The following B4GALT1 variants were observed in gnomAD, a reference collection of about 807,000 sequenced individuals.
The protein encoded by B4GALT1 is N-acetyllactosamine synthase.
A neutral mutation model predicts 34.9 loss-of-function variants in B4GALT1; 16 were observed. That is an observed-to-expected ratio of 0.46 (90% CI 0.31 to 0.70). B4GALT1 has a LOEUF of 0.70. Among genes scored for constraint, B4GALT1 ranks in the 30% least tolerant of loss-of-function variants. The pLI, the probability that B4GALT1 is intolerant of heterozygous loss-of-function variation, is 0.05. For missense variants in B4GALT1, 445 were observed against 530.5 expected, an observed-to-expected ratio of 0.84 and a Z score of 1.58; for synonymous variants, 221 against 218.1, an observed-to-expected ratio of 1.01 and a Z score of -0.12.
chr9:33,109,631 T>C (rs2117980861), downstream of B4GALT1, among the ~76,000 whole-genome samples: 1 of 152,334 alleles, frequency 6.6e-6, no homozygotes, highest in South Asian at 2.1e-4. Flanking sequence ...AGCAAGGCCC[T>C]GTATCCAAAA....
At chr9:33,108,418 G>C (rs1197247694), downstream of B4GALT1, among the ~76,000 whole-genome samples, 1 of 147,290 alleles carries the variant, frequency 6.8e-6, no homozygotes, top group Non-Finnish European at 1.5e-5. Context: ...TTTGAGACCA[G>C]CCTGGTCAAC....
chr9:33,174,397 C>T, the B4GALT1 span: 1 of 152,250 alleles, frequency 6.6e-6, no homozygotes, highest in Non-Finnish European at 1.5e-5. Flanking sequence ...ATCTGTAATC[C>T]TAGCACTTTG....
At chr9:33,148,905 G>GTC (rs1840468317) in intron 1 of B4GALT1, among the ~76,000 whole-genome samples, 1 of 152,052 alleles carries the variant, frequency 6.6e-6, no homozygotes, top group Non-Finnish European at 1.5e-5. Flanking sequence ...TTCCCCTGAA[G>GTC]GGGATCTTAT....
intron 3 of B4GALT1, 66 bp downstream of exon 3, chr9:33,120,353 C>G: frequency 6.3e-7 from 1 of 1,575,688 alleles, no homozygotes; most frequent in South Asian, 1.1e-5. Context: ...GCTGCCAGGA[C>G]TGCATTTCCT....
chr9:33,109,362 G>A (rs530529515), downstream of B4GALT1, among the ~76,000 whole-genome samples: 15 of 152,280 alleles, frequency 9.9e-5, no homozygotes, highest in African/African-American at 3.1e-4. Context: ...CTCTCCATCC[G>A]GTTCTTCATC....
chr9:33,116,657 G>C (rs1839944380), intron 3 of B4GALT1, among the ~76,000 whole-genome samples: 3 of 151,628 alleles, frequency 2.0e-5, no homozygotes, highest in Non-Finnish European at 2.9e-5. Context: ...CAAGTAGCTG[G>C]GACTACAGGC....
intron 1 of B4GALT1, among the ~76,000 whole-genome samples, chr9:33,156,968 GT>G (rs1450539233): frequency 3.3e-5 from 5 of 151,910 alleles, no homozygotes; most frequent in African/African-American, 1.2e-4. Flanking sequence ...GGCTCCTTTT[GT>G]GGACACAGAG....
At chr9:33,161,021 T>TTC (rs35401344) in intron 1 of B4GALT1, among the ~76,000 whole-genome samples, 68,019 of 149,076 alleles carry the variant, frequency 0.46, 16,013 homozygotes, top group Admixed American at 0.59. Flanking sequence ...AGGCAAGTCA[T>TTC]TCTCTCTCTC....
chr9:33,171,444 A>G (rs1466132814), upstream of B4GALT1, among the ~76,000 whole-genome samples: 1 of 152,186 alleles, frequency 6.6e-6, no homozygotes, highest in Non-Finnish European at 1.5e-5. Flanking sequence ...AATACAGAAG[A>G]TGGAGATCCC....
At chr9:33,144,827 C>T (rs1840402249) in intron 1 of B4GALT1, among the ~76,000 whole-genome samples, 1 of 152,162 alleles carries the variant, frequency 6.6e-6, no homozygotes, top group South Asian at 2.1e-4. Flanking sequence ...GGATTGTGTC[C>T]CATTCCTTTC....
chr9:33,172,219 G>A (rs1204842961), upstream of B4GALT1, among the ~76,000 whole-genome samples: 6 of 152,108 alleles, frequency 3.9e-5, no homozygotes, highest in African/African-American at 1.4e-4. Context: ...GCTGGCTCAA[G>A]TCTCCCTGGG....
At chr9:33,130,639 A>G (rs143637707) in intron 2 of B4GALT1, among the ~76,000 whole-genome samples, 3 of 151,504 alleles carry the variant, frequency 2.0e-5, no homozygotes, top group East Asian at 3.9e-4. Context: ...CTATAGACAG[A>G]GTATGAGTCA....
the B4GALT1 span, among the ~76,000 whole-genome samples, chr9:33,174,979 A>ATATAT: frequency 2.3e-5 from 1 of 43,306 alleles, no homozygotes; most frequent in Non-Finnish European, 5.0e-5. Context: ...AAAAAAAAAA[A>ATATAT]AAAAAAAAAA....
intron 2 of B4GALT1, among the ~76,000 whole-genome samples, chr9:33,105,583 C>T (rs925835895): frequency 1.3e-5 from 2 of 152,120 alleles, no homozygotes; most frequent in African/African-American, 4.8e-5. Flanking sequence ...TTTCATCTTC[C>T]CCAACTAAAA....
intron 1 of B4GALT1, among the ~76,000 whole-genome samples, chr9:33,145,406 T>C (rs955235519): frequency 6.6e-6 from 1 of 152,156 alleles, no homozygotes. Context: ...AAGTTTTACA[T>C]GGGTCACAAA....
chr9:33,131,946 C>T (rs1840198821), intron 2 of B4GALT1, among the ~76,000 whole-genome samples: 1 of 151,998 alleles, frequency 6.6e-6, no homozygotes, highest in Non-Finnish European at 1.5e-5. Flanking sequence ...CATTTCTCAA[C>T]TTAGTTATCT....
intron 2 of B4GALT1, among the ~76,000 whole-genome samples, chr9:33,124,497 C>T (rs1335265776): frequency 6.6e-6 from 1 of 152,180 alleles, no homozygotes; most frequent in African/African-American, 2.4e-5. Flanking sequence ...ACATTGTCTA[C>T]CAACATAAGA....
In B4GALT1 at chr9:33,110,753, C is replaced by T. The variant is rs1839844816; in HGVS notation, c.*2701G>A. 6.6e-6 allele frequency: 1 copy of T among 152,174 alleles called. No individual in the cohort carries two copies. Among genetic ancestry groups the T allele is most frequent in the Non-Finnish European group, 1.5e-5 (1 of 68,040 alleles). The allele number at this position is 152,174 out of a possible 1,614,324, so 9.4% of individuals were successfully genotyped here. A position where few individuals can be genotyped will look rare whatever the true frequency, so the allele number is the denominator to read the frequency against. On this transcript the variant is annotated 3_prime_UTR_variant, in exon 6 of 6. Transcript: ENST00000379731. Reference sequence around the variant, plus strand: ...ACAGCCCCCTACACAATGGTAAATACACACATTTGCATACACAGGAAATCA... The same window carrying T: ...ACAGCCCCCTACACAATGGTAAATATACACATTTGCATACACAGGAAATCA...
intron 1 of B4GALT1, among the ~76,000 whole-genome samples, chr9:33,148,125 T>C (rs1840456102): frequency 6.6e-6 from 1 of 152,106 alleles, no homozygotes; most frequent in South Asian, 2.1e-4. Context: ...ATCTAGGATG[T>C]ATAAGGAATT....
Sources: allele counts gnomAD v4.1 joint callset (sites outside exome capture counted in the v4.1 genomes callset), GRCh38; gene constraint gnomAD v4.1.1; transcripts MANE v1.5; gene names NCBI Gene and HGNC (gene_info 2026-07-23, HGNC 2026-07-21).